Variants in FUT8 observed in about 807,000 individuals in gnomAD.
FUT8 encodes alpha-(1,6)-fucosyltransferase.
A neutral mutation model predicts 71.3 loss-of-function variants in FUT8; 29 were observed. That is an observed-to-expected ratio of 0.41 (90% CI 0.30 to 0.55). The LOEUF (loss-of-function observed/expected upper bound fraction) is 0.55, where lower values mean the gene tolerates loss of function less well. FUT8 is among the 20% of genes least tolerant of loss of function. The pLI is 0.34. For synonymous variants in FUT8, 254 were observed against 239.3 expected, an observed-to-expected ratio of 1.06 and a Z score of -0.57; for missense variants, 544 against 702.1, an observed-to-expected ratio of 0.77 and a Z score of 2.55.
intron 2 of FUT8, among the ~76,000 whole-genome samples, chr14:65,501,289 G>T (rs2066641746): frequency 6.6e-6 from 1 of 152,170 alleles, no homozygotes; most frequent in African/African-American, 2.4e-5. Context: ...GTATTGGAGG[G>T]CTGAAAAAGC....
At chr14:65,724,073 AG>A (rs1895558550) in intron 8 of FUT8, 73 bp from the exon 9 acceptor site, 2 of 1,079,394 alleles carry the variant, frequency 1.9e-6, no homozygotes, top group Non-Finnish European at 2.5e-6. Flanking sequence ...CACCATAAGT[AG>A]GGGTATAAAT....
At chr14:65,629,639 GA>G (rs376366627) in intron 6 of FUT8, 33 bp downstream of exon 6, 3 of 1,420,068 alleles carry the variant, frequency 2.1e-6, no homozygotes, top group Non-Finnish European at 9.9e-7. Flanking sequence ...AAATTTGAGT[GA>G]AAAAAAGAAG....
intron 7 of FUT8, among the ~76,000 whole-genome samples, chr14:65,701,928 C>G (rs906583244): frequency 4.6e-5 from 7 of 152,102 alleles, no homozygotes; most frequent in African/African-American, 1.7e-4. Flanking sequence ...CTCACTGAAA[C>G]TATGATAATG....
At chr14:65,513,227 T>G (rs533218077) in intron 2 of FUT8, among the ~76,000 whole-genome samples, 1 of 152,356 alleles carries the variant, frequency 6.6e-6, no homozygotes, top group Non-Finnish European at 1.5e-5. Context: ...GGATTAATAT[T>G]GGGTTGACAT....
chr14:65,680,826 C>T (rs1453089525), intron 7 of FUT8, among the ~76,000 whole-genome samples: 2 of 152,176 alleles, frequency 1.3e-5, no homozygotes, highest in Non-Finnish European at 2.9e-5. Context: ...CCTTCCATGG[C>T]TGCTTAGTGT....
At chr14:65,528,667 G>T (rs1594741612) in intron 2 of FUT8, among the ~76,000 whole-genome samples, 1 of 152,260 alleles carries the variant, frequency 6.6e-6, no homozygotes, top group East Asian at 1.9e-4. Context: ...GACTGGAGCT[G>T]CTCCTATTTG....
intron 2 of FUT8, among the ~76,000 whole-genome samples, chr14:65,557,713 T>G (rs900804597): frequency 5.3e-5 from 8 of 152,032 alleles, no homozygotes; most frequent in African/African-American, 1.9e-4. Context: ...TTCAGTACAT[T>G]TAGTATATTT....
chr14:65,741,002 A>G (rs1488401420), intron 10 of FUT8, among the ~76,000 whole-genome samples: 1 of 152,070 alleles, frequency 6.6e-6, no homozygotes, highest in African/African-American at 2.4e-5. Context: ...AACTATTGGT[A>G]TAGTGACAAT....
At chr14:65,736,438 G>A (rs1378393659) in intron 10 of FUT8, among the ~76,000 whole-genome samples, 5 of 151,298 alleles carry the variant, frequency 3.3e-5, no homozygotes, top group Admixed American at 6.6e-5. Context: ...TTGTGGTTAC[G>A]GGTAATGCTT....
chr14:65,521,338 CAT>C (rs1047151275), intron 2 of FUT8, among the ~76,000 whole-genome samples: 23 of 152,170 alleles, frequency 1.5e-4, no homozygotes, highest in African/African-American at 5.1e-4. Flanking sequence ...TGGATAAAAA[CAT>C]ATATATTAGT....
chr14:65,679,231 A>G (rs1056143362), intron 7 of FUT8, among the ~76,000 whole-genome samples: 1 of 152,166 alleles, frequency 6.6e-6, no homozygotes, highest in African/African-American at 2.4e-5. Context: ...TGATCCATAT[A>G]ATTTAGAATT....
chr14:65,504,815 C>T (rs1326866593), intron 2 of FUT8, among the ~76,000 whole-genome samples: 3 of 152,084 alleles, frequency 2.0e-5, no homozygotes, highest in Admixed American at 2.0e-4. Flanking sequence ...TGGCCTCCCA[C>T]AGTGCTGGGA....
chr14:65,376,302 C>A, the FUT8 span, among the ~76,000 whole-genome samples: 1 of 152,060 alleles, frequency 6.6e-6, no homozygotes, highest in African/African-American at 2.4e-5. Context: ...AGAGATGGAG[C>A]AAATACAATA....
the FUT8 span, among the ~76,000 whole-genome samples, chr14:65,361,807 CAAAT>C: frequency 6.2e-3 from 847 of 135,744 alleles, 7 homozygotes; most frequent in Middle Eastern, 0.016. Context: ...AACAAACAAA[CAAAT>C]AAATAAATAA....
chr14:65,369,579 C>A, the FUT8 span, among the ~76,000 whole-genome samples: 1 of 152,298 alleles, frequency 6.6e-6, no homozygotes, highest in South Asian at 2.1e-4. The surrounding 1 kb of genome is among the most constrained non-coding windows in gnomAD (Gnocchi z 4.6). Flanking sequence ...CCCACCAAAA[C>A]CAAGATGGTG....
At chr14:65,491,709 CTT>C (rs1283958634) in intron 2 of FUT8, among the ~76,000 whole-genome samples, 2 of 151,866 alleles carry the variant, frequency 1.3e-5, no homozygotes, top group Non-Finnish European at 1.5e-5. Context: ...TTAAGTATAA[CTT>C]AATAATTATG....
intron 5 of FUT8, among the ~76,000 whole-genome samples, chr14:65,622,795 C>T (rs1245360285): frequency 6.6e-6 from 1 of 152,100 alleles, no homozygotes; most frequent in East Asian, 1.9e-4. Context: ...GCAGATTTGC[C>T]CATGGATTTG....
At chr14:65,372,397 T>C in the FUT8 span, among the ~76,000 whole-genome samples, 1 of 152,040 alleles carries the variant, frequency 6.6e-6, no homozygotes, top group East Asian at 1.9e-4. Context: ...GTTTCATAAC[T>C]AACCTCTTTC....
chr14:65,491,593 A>G (rs2066482889), intron 2 of FUT8, among the ~76,000 whole-genome samples: 1 of 152,168 alleles, frequency 6.6e-6, no homozygotes, highest in African/African-American at 2.4e-5. Context: ...AAGGCAAAAT[A>G]AGGGAACTAT....
Sources: allele counts gnomAD v4.1 joint callset (sites outside exome capture counted in the v4.1 genomes callset), GRCh38; gene constraint gnomAD v4.1.1; non-coding constraint Gnocchi (gnomAD v3.1); transcripts MANE v1.5; gene names NCBI Gene and HGNC (gene_info 2026-07-23, HGNC 2026-07-21).